The following CRIM1 variants were observed in gnomAD, a reference collection of about 807,000 sequenced individuals.
CRIM1 encodes the protein cysteine-rich motor neuron 1 protein.
Under a neutral mutation model 116.4 loss-of-function variants are expected in CRIM1, and 32 were observed. The observed-to-expected ratio is 0.27, with a 90% CI of 0.21 to 0.37. The LOEUF is 0.37. Among genes scored for constraint, CRIM1 ranks in the 10% least tolerant of loss-of-function variants. The pLI, the probability that CRIM1 is intolerant of heterozygous loss-of-function variation, is 1.00. For missense variants in CRIM1, 1,331 were observed against 1,354.8 expected, an observed-to-expected ratio of 0.98 and a Z score of 0.28; for synonymous variants, 590 against 509.2, an observed-to-expected ratio of 1.16 and a Z score of -2.13.
At chr2:36,371,264 A>G (rs1669924129) in intron 1 of CRIM1, among the ~76,000 whole-genome samples, 1 of 150,684 alleles carries the variant, frequency 6.6e-6, no homozygotes, top group African/African-American at 2.4e-5. Flanking sequence ...CCCATCCCCC[A>G]TCCCCCAGTG....
chr2:36,498,902 TTTAA>T (rs1172631406), intron 7 of CRIM1, among the ~76,000 whole-genome samples: 1 of 152,210 alleles, frequency 6.6e-6, no homozygotes, highest in African/African-American at 2.4e-5. Flanking sequence ...CAGTTAACAA[TTTAA>T]ACAGAGTTCA....
At chr2:36,460,852 TG>T (rs1677525958) in intron 4 of CRIM1, among the ~76,000 whole-genome samples, 2 of 152,062 alleles carry the variant, frequency 1.3e-5, no homozygotes, top group Admixed American at 1.3e-4. Context: ...GTGTGGTGTT[TG>T]GGGGTTCAGA....
At position 36,544,457 on chromosome 2, in the gene CRIM1, G is replaced by C; in HGVS notation, c.2705G>C (p.Trp902Ser). The C allele has an allele frequency of 7.1e-7, 1 of 1,408,520 alleles. No individual in the cohort carries two copies. Among genetic ancestry groups the C allele is most frequent in the Admixed American group, 2.6e-5 (1 of 38,476 alleles). 87.3% of individuals were successfully genotyped at this position (1,408,520 alleles called of 1,614,324 possible). A position where few individuals can be genotyped will look rare whatever the true frequency, so the allele number is the denominator to read the frequency against. The change falls in exon 15 of 17, where the codon TGG (tryptophan) becomes TCG (serine). Residue 902 changes from tryptophan (W) to serine (S), a missense_variant. Coordinates refer to ENST00000280527, the MANE Select transcript of CRIM1 (RefSeq NM_016441.3). ...RGEVDLEVPL[W>S]PTPSENDIVH... ...GAGGTTGACCTGGAGGTTCCCCTGTGGCCCACGCCTAGTGAAAATGATATC... is the reference window on the plus strand; with the variant it reads ...GAGGTTGACCTGGAGGTTCCCCTGTCGCCCACGCCTAGTGAAAATGATATC...
intron 13 of CRIM1, among the ~76,000 whole-genome samples, chr2:36,523,007 TGCAGTGGTGCAATCTCA>T (rs1407581332): frequency 6.6e-6 from 1 of 151,228 alleles, no homozygotes; most frequent in African/African-American, 2.4e-5. Flanking sequence ...CAGGCTGGAG[TGCAGTGGTGCAATCTCA>T]GCTTGCTGCA....
In CRIM1 at chr2:36,543,702, T is replaced by TTTA. The variant is rs1553337113; in HGVS notation, c.2624-674_2624-673insTTA. Among the ~76,000 whole-genome samples, 87 of 148,658 alleles carry TTTA rather than the reference T, an allele frequency of 5.9e-4. 2 individuals are homozygous for TTTA. Among genetic ancestry groups the TTTA allele is most frequent in the African/African-American group, 2.1e-3 (81 of 38,836 alleles). ...GAAAAGTTCTGATTTTTTTTTTTTT[T>TTTA]AAAAAGACCTGATATTTGAGATAAA... On this transcript the variant is annotated intron_variant, in intron 14 of 16. Transcript: ENST00000280527.
intron 5 of CRIM1, among the ~76,000 whole-genome samples, chr2:36,467,418 G>C (rs916811114): frequency 3.9e-5 from 6 of 152,132 alleles, no homozygotes; most frequent in Non-Finnish European, 8.8e-5. Flanking sequence ...GAATGTGTCT[G>C]TGTATGTATA....
At position 36,542,480 on chromosome 2, in the gene CRIM1, A is replaced by C. The variant is rs72868416; in HGVS notation, c.2624-1896A>C. Among the ~76,000 whole-genome samples the C allele has an allele frequency of 6.6e-3, 1,011 of 152,322 alleles. 8 individuals carry two copies. Among genetic ancestry groups the C allele is most frequent in the African/African-American group, 0.023 (956 of 41,584 alleles). ...TGCAGGGTCAAGGCAAAAGAATTCC[A>C]AAGTTACGTCTCTCCCTCTCACTCA... On this transcript the variant is annotated intron_variant, in intron 14 of 16. Transcript: ENST00000280527.
intron 15 of CRIM1, 50 bp downstream of exon 15, chr2:36,544,548 TA>T (rs761801062): frequency 7.6e-7 from 1 of 1,311,124 alleles, no homozygotes; most frequent in South Asian, 3.2e-5. Flanking sequence ...GTGGTCTACT[TA>T]GGTGTTTTCT....
intron 1 of CRIM1, among the ~76,000 whole-genome samples, chr2:36,390,819 T>C (rs1397775442): frequency 6.6e-6 from 1 of 152,148 alleles, no homozygotes; most frequent in East Asian, 1.9e-4. Flanking sequence ...TTTTTATTTA[T>C]TTATTTTTTT....
intron 8 of CRIM1, among the ~76,000 whole-genome samples, chr2:36,507,752 A>G (rs1681531927): frequency 6.6e-6 from 1 of 152,236 alleles, no homozygotes; most frequent in South Asian, 2.1e-4. Context: ...ACATTGTTTA[A>G]ACTTGAATGG....
At position 36,529,401 on chromosome 2, in the gene CRIM1, T is replaced by G. The variant is rs569126389; in HGVS notation, c.2428+7088T>G. 5.6e-5 allele frequency: 13 copies of G among 230,598 alleles called. No individual in the cohort carries two copies. In the South Asian group the frequency reaches 6.8e-4, roughly 12 times the overall value. The allele number at this position is 230,598 out of a possible 1,614,324, so 14.3% of individuals were successfully genotyped here. A position where few individuals can be genotyped will look rare whatever the true frequency, so the allele number is the denominator to read the frequency against. On this transcript the variant is annotated intron_variant, in intron 13 of 16. Transcript: ENST00000280527. ...CCCGACTTTTACATGGATTGCTTCT[T>G]TTAAGTCCTAAAAGAAGTTGTATTT...
rs11350672 is a variant in CRIM1 at position 36,449,034 on chromosome 2, GTT to G, written c.869+6311_869+6312del. On this transcript the variant is annotated intron_variant, in intron 4 of 16. Transcript: ENST00000280527. The stretch of plus-strand genomic sequence containing the variant: ...ATCTTCAGAAGTATTTTTTTGACTT[GTT>G]TTTTTTTTTTTCCTTAGCTTCAAGG... Among the ~76,000 whole-genome samples, 430 of 142,184 alleles carry G rather than the reference GTT, an allele frequency of 3.0e-3. 4 individuals are homozygous for G. The highest frequency in any genetic ancestry group is 0.01 in the African/African-American group (389 of 38,822). 93.3% of individuals were successfully genotyped at this position (142,184 alleles called of 152,430 possible).
At chr2:36,430,994 A>G (rs894900346) in intron 2 of CRIM1, among the ~76,000 whole-genome samples, 9 of 152,222 alleles carry the variant, frequency 5.9e-5, no homozygotes, top group Admixed American at 1.3e-4. Flanking sequence ...GACGATTTAT[A>G]AAGAGAAAGT....
intron 2 of CRIM1, among the ~76,000 whole-genome samples, chr2:36,440,691 C>T (rs544764987): frequency 6.4e-4 from 98 of 152,306 alleles, no homozygotes; most frequent in African/African-American, 2.2e-3. Context: ...GGAAATTACA[C>T]GGGAATTTGG....
At chr2:36,401,129 A>G (rs1440618211) in intron 2 of CRIM1, among the ~76,000 whole-genome samples, 1 of 152,136 alleles carries the variant, frequency 6.6e-6, no homozygotes, top group African/African-American at 2.4e-5. Flanking sequence ...GGCCATTTCA[A>G]TGTTATAGAC....
intron 14 of CRIM1, among the ~76,000 whole-genome samples, chr2:36,538,180 C>G (rs1666690039): frequency 6.6e-6 from 1 of 152,192 alleles, no homozygotes; most frequent in Non-Finnish European, 1.5e-5. Flanking sequence ...CATTATCCCT[C>G]TCATAGTTTC....
intron 14 of CRIM1, among the ~76,000 whole-genome samples, chr2:36,540,997 C>A (rs1441726599): frequency 6.6e-6 from 1 of 152,174 alleles, no homozygotes; most frequent in Non-Finnish European, 1.5e-5. Context: ...TGTTAACTCT[C>A]CTTTCTGCAT....
chr2:36,419,063 A>G (rs562532230), intron 2 of CRIM1, among the ~76,000 whole-genome samples: 1 of 152,330 alleles, frequency 6.6e-6, no homozygotes, highest in South Asian at 2.1e-4. Context: ...TAATAAATAT[A>G]AGTGGAATTT....
intron 7 of CRIM1, among the ~76,000 whole-genome samples, chr2:36,484,835 T>C (rs1558357079): frequency 6.6e-6 from 1 of 152,228 alleles, no homozygotes; most frequent in Admixed American, 6.5e-5. Flanking sequence ...TTCAGAATTA[T>C]ACTCAGGTTG....
Sources: gnomAD v4.1 joint callset for allele counts (sites outside exome capture counted in the v4.1 genomes callset) on GRCh38, gnomAD v4.1.1 for gene constraint, MANE v1.5 for transcripts, NCBI Gene and HGNC (gene_info 2026-07-23, HGNC 2026-07-21) for gene names.